TMEM132D: variants seen among roughly 807,000 people sequenced by gnomAD.
TMEM132D encodes the protein mature OL transmembrane protein.
A neutral mutation model predicts 62.3 loss-of-function variants in TMEM132D; 21 were observed. The observed-to-expected ratio is 0.34, with a 90% CI of 0.24 to 0.49. TMEM132D has a LOEUF of 0.49. TMEM132D is among the 20% of genes least tolerant of loss of function. TMEM132D has a pLI of 0.99. For synonymous variants in TMEM132D, 621 were observed against 575.6 expected, an observed-to-expected ratio of 1.08 and a Z score of -1.13; for missense variants, 1,346 against 1,402.8, an observed-to-expected ratio of 0.96 and a Z score of 0.65.
rs77289339 is a variant in TMEM132D at position 129,074,997 on chromosome 12, G to A, written c.2178C>T (p.Tyr726=). 965 of 1,613,682 alleles carry A rather than the reference G, an allele frequency of 6.0e-4. 5 individuals carry two copies. In the African/African-American group the frequency reaches 0.01, roughly 17 times the overall value. ...SDGSVTPLDI[Y]DGKDFSLMAT... ...CCATCAAGGAGAAGTCTTTCCCATC[G>A]TAAATATCCAAGGGCGTGACTGAGC... The change falls in exon 9 of 9, where the codon TAC becomes TAT. Residue 726 remains tyrosine (Y), a synonymous_variant. Transcript: ENST00000422113.
chr12:129,745,173 C>T (rs904668250), intron 1 of TMEM132D, among the ~76,000 whole-genome samples: 3 of 152,144 alleles, frequency 2.0e-5, no homozygotes, highest in African/African-American at 7.2e-5. Flanking sequence ...TAAAAATTAC[C>T]CAGTCTTGGA....
chr12:129,267,800 T>A (rs563849224), intron 4 of TMEM132D, among the ~76,000 whole-genome samples: 33 of 152,186 alleles, frequency 2.2e-4, no homozygotes, highest in Non-Finnish European at 4.3e-4. Context: ...AAGGCTACAG[T>A]AATCAAAACA....
intron 1 of TMEM132D, among the ~76,000 whole-genome samples, chr12:129,764,171 T>A (rs1199080085): frequency 1.3e-5 from 2 of 152,220 alleles, no homozygotes; most frequent in African/African-American, 4.8e-5. Flanking sequence ...ACATTGCTGC[T>A]TTTAGAAACA....
chr12:129,416,977 T>C (rs1463074093), intron 3 of TMEM132D, among the ~76,000 whole-genome samples: 7 of 152,212 alleles, frequency 4.6e-5, no homozygotes, highest in Non-Finnish European at 8.8e-5. Flanking sequence ...ACATTGATGA[T>C]TATCAGGAAT....
At chr12:129,257,776 A>G (rs1217255344) in intron 4 of TMEM132D, among the ~76,000 whole-genome samples, 6 of 152,128 alleles carry the variant, frequency 3.9e-5, no homozygotes, top group Non-Finnish European at 7.4e-5. Context: ...TGTGAGCTTG[A>G]CCTACAGAAG....
chr12:129,187,693 A>T (rs1243194103), intron 5 of TMEM132D, among the ~76,000 whole-genome samples: 1 of 152,228 alleles, frequency 6.6e-6, no homozygotes, highest in East Asian at 1.9e-4. Context: ...ATGGTAAGTC[A>T]TTCTGTGGCA....
At chr12:129,841,570 TTAA>T (rs1353127070) in intron 1 of TMEM132D, among the ~76,000 whole-genome samples, 1 of 152,190 alleles carries the variant, frequency 6.6e-6, no homozygotes, top group African/African-American at 2.4e-5. Flanking sequence ...CACTGAAATG[TTAA>T]TATTACTTGG....
Position 129,575,984 on chromosome 12 carries a change from C to T in TMEM132D, c.969-44779G>A, listed in dbSNP as rs1304906139. 3.1e-4 allele frequency among the ~76,000 whole-genome samples: 2 copies of T among 6,532 alleles called. 1 individual carries two copies. The highest frequency in any genetic ancestry group is 8.5e-4 in the African/African-American group (2 of 2,342). The allele number at this position is 6,532 out of a possible 152,430, so 4.3% of individuals were successfully genotyped here. A position where few individuals can be genotyped will look rare whatever the true frequency, so the allele number is the denominator to read the frequency against. ...AGACGGGGTTTCACCGTTTTTTAGCCGGGATGGTCTCGATCTCCTGACCTC... is the reference window on the plus strand; with the variant it reads ...AGACGGGGTTTCACCGTTTTTTAGCTGGGATGGTCTCGATCTCCTGACCTC... On this transcript the variant is annotated intron_variant, in intron 2 of 8. Transcript: ENST00000422113.
chr12:129,109,351 T>G (rs996543305), intron 5 of TMEM132D, among the ~76,000 whole-genome samples: 1 of 152,334 alleles, frequency 6.6e-6, no homozygotes, highest in Admixed American at 6.5e-5. Flanking sequence ...TTGTCTCCTC[T>G]GCAAAATGGG....
intron 1 of TMEM132D, among the ~76,000 whole-genome samples, chr12:129,770,807 T>TTAAAG (rs1306658648): frequency 1.3e-5 from 2 of 152,232 alleles, no homozygotes; most frequent in Non-Finnish European, 2.9e-5. Flanking sequence ...GATACTGTAC[T>TTAAAG]TAAAGTGAAA....
intron 4 of TMEM132D, among the ~76,000 whole-genome samples, chr12:129,331,830 G>C (rs1447427338): frequency 6.6e-6 from 1 of 152,204 alleles, no homozygotes; most frequent in Non-Finnish European, 1.5e-5. Flanking sequence ...AGTTAGGAGA[G>C]AAGGACGTTG....
intron 1 of TMEM132D, among the ~76,000 whole-genome samples, chr12:129,701,212 C>A (rs1472023395): frequency 6.6e-6 from 1 of 152,212 alleles, no homozygotes; most frequent in Non-Finnish European, 1.5e-5. Flanking sequence ...CACTCATATG[C>A]ACGTTCTGCA....
chr12:129,350,885 C>T (rs994046455), intron 3 of TMEM132D, among the ~76,000 whole-genome samples: 27 of 152,148 alleles, frequency 1.8e-4, no homozygotes, highest in African/African-American at 6.3e-4. Context: ...AGCTAAACTC[C>T]ACCCCAACTT....
intron 3 of TMEM132D, among the ~76,000 whole-genome samples, chr12:129,468,082 G>C (rs538258779): frequency 2.0e-5 from 3 of 152,246 alleles, no homozygotes; most frequent in Non-Finnish European, 4.4e-5. Context: ...TTTCTACCCA[G>C]GCCAGCTCCT....
At chr12:129,761,932 T>C (rs1333705958) in intron 1 of TMEM132D, among the ~76,000 whole-genome samples, 1 of 151,716 alleles carries the variant, frequency 6.6e-6, no homozygotes, top group African/African-American at 2.4e-5. Context: ...CCTAGGAGAG[T>C]GAATGTCAGG....
In TMEM132D at chr12:129,227,511, C is replaced by G. The variant is rs1391311428; in HGVS notation, c.1300-17848G>C. On this transcript the variant is annotated intron_variant, in intron 4 of 8. Coordinates refer to ENST00000422113, the MANE Select transcript of TMEM132D (RefSeq NM_133448.3). ...TTTAAGACCTTAAGCCAGTTTTATT[C>G]TTAAGATTGATGTTTTTAAAGTGGA... is the stretch of plus-strand genomic sequence containing the variant. Among the ~76,000 whole-genome samples the G allele has an allele frequency of 5.4e-5, 8 of 149,294 alleles. No individual in the cohort carries two copies. In the East Asian group the frequency reaches 1.4e-3, roughly 26 times the overall value.
chr12:129,489,520 C>G (rs1211276340), intron 3 of TMEM132D, among the ~76,000 whole-genome samples: 1 of 152,228 alleles, frequency 6.6e-6, no homozygotes, highest in South Asian at 2.1e-4. Flanking sequence ...ATACATTAGG[C>G]AACACACATT....
intron 3 of TMEM132D, among the ~76,000 whole-genome samples, chr12:129,444,848 G>C (rs1257091077): frequency 6.6e-6 from 1 of 152,196 alleles, no homozygotes; most frequent in African/African-American, 2.4e-5. Flanking sequence ...TGGAGAGGTT[G>C]TGGAGAAATA....
chr12:129,573,530 C>G (rs900834637), intron 2 of TMEM132D, among the ~76,000 whole-genome samples: 8 of 152,132 alleles, frequency 5.3e-5, no homozygotes, highest in African/African-American at 1.9e-4. Flanking sequence ...GCCCTTAGAT[C>G]ATTAGATCTC....
Sources: allele counts gnomAD v4.1 joint callset (sites outside exome capture counted in the v4.1 genomes callset), GRCh38; gene constraint gnomAD v4.1.1; transcripts MANE v1.5; gene names NCBI Gene and HGNC (gene_info 2026-07-23, HGNC 2026-07-21).